The following PALM2AKAP2 variants were observed in gnomAD, a reference collection of about 807,000 sequenced individuals.
PALM2AKAP2 encodes the protein PALM2-AKAP2 fusion protein.
Under a neutral mutation model 71.5 loss-of-function variants are expected in PALM2AKAP2, and 37 were observed. The observed-to-expected ratio is 0.52, with a 90% CI of 0.40 to 0.68. The LOEUF (loss-of-function observed/expected upper bound fraction) is 0.68, where lower values mean the gene tolerates loss of function less well. PALM2AKAP2 is among the 30% of genes least tolerant of loss of function. PALM2AKAP2 has a pLI of 0.00. For missense variants in PALM2AKAP2, 1,224 were observed against 1,191.8 expected (o/e 1.03, Z -0.40); for synonymous variants, 468 against 478.8 (o/e 0.98, Z 0.29).
chr9:109,685,640 A>T (rs192677395), intron 1 of PALM2AKAP2, among the ~76,000 whole-genome samples: 2 of 152,188 alleles, frequency 1.3e-5, no homozygotes, highest in African/African-American at 4.8e-5. Flanking sequence ...TTGCTAAAAA[A>T]TGTGGACAAT....
rs34719180 is a variant in PALM2AKAP2 at position 109,953,834 on chromosome 9, CAAAAAAAAAAA to C, written c.496+21817_496+21827del. On this transcript the variant is annotated intron_variant, in intron 6 of 9. Transcript: ENST00000302798. ...TGGGTGATATAGCAAGACTCCATCT[CAAAAAAAAAAA>C]AAAAAAAAAAGAAAAGAAAGTAGTG... is the stretch of plus-strand genomic sequence containing the variant. Among the ~76,000 whole-genome samples, 5 of 48,636 alleles carry C rather than the reference CAAAAAAAAAAA, an allele frequency of 1.0e-4. 1 individual carries two copies. The highest frequency in any genetic ancestry group is 3.0e-4 in the African/African-American group (4 of 13,424). 31.9% of individuals were successfully genotyped at this position (48,636 alleles called of 152,430 possible). A position where few individuals can be genotyped will look rare whatever the true frequency, so the allele number is the denominator to read the frequency against.
chr9:109,742,011 A>G (rs781102393), intron 1 of PALM2AKAP2, among the ~76,000 whole-genome samples: 11 of 152,322 alleles, frequency 7.2e-5, no homozygotes, highest in Non-Finnish European at 1.2e-4. Flanking sequence ...TTTAATACAC[A>G]TGTGCATGCA....
intron 1 of PALM2AKAP2, among the ~76,000 whole-genome samples, chr9:109,737,017 T>G (rs1182847241): frequency 6.6e-6 from 1 of 152,218 alleles, no homozygotes; most frequent in Non-Finnish European, 1.5e-5. Flanking sequence ...AGAAAGCATT[T>G]GAAAATTGAT....
At chr9:109,795,629 A>G (rs1225788111) in intron 1 of PALM2AKAP2, among the ~76,000 whole-genome samples, 2 of 152,212 alleles carry the variant, frequency 1.3e-5, no homozygotes, top group Non-Finnish European at 2.9e-5. Context: ...TGGAGAAAGG[A>G]CATTAAGACA....
At chr9:109,874,601 A>C (rs1210405983) in intron 2 of PALM2AKAP2, among the ~76,000 whole-genome samples, 2 of 152,228 alleles carry the variant, frequency 1.3e-5, no homozygotes, top group Non-Finnish European at 2.9e-5. Context: ...ATGACTGCCA[A>C]ATTGAGAATC....
chr9:110,080,709 C>T (rs776394605), intron 1 of PALM2AKAP2, among the ~76,000 whole-genome samples: 1 of 152,148 alleles, frequency 6.6e-6, no homozygotes, highest in Non-Finnish European at 1.5e-5. Context: ...GGTGGAGTCT[C>T]ACTCCGTTGC....
Position 110,080,026 on chromosome 9 carries a change from C to T in PALM2AKAP2, c.156+31171C>T, listed in dbSNP as rs142131683. On this transcript the variant is annotated intron_variant, in intron 1 of 3. Coordinates refer to ENST00000374525, the Ensembl canonical transcript of PALM2AKAP2. ...TGGAGGTTGCAGTGAGCTGAGATTG[C>T]GCCATTGCACTTCAGCTTGGGTGAC... Among the ~76,000 whole-genome samples, 144 of 129,076 alleles carry T rather than the reference C, an allele frequency of 1.1e-3. 1 individual carries two copies. Among genetic ancestry groups the T allele is most frequent in the African/African-American group, 3.7e-3 (122 of 32,854 alleles). 84.7% of individuals were successfully genotyped at this position (129,076 alleles called of 152,430 possible).
At chr9:109,764,777 T>C (rs1829122824) in intron 1 of PALM2AKAP2, among the ~76,000 whole-genome samples, 1 of 151,778 alleles carries the variant, frequency 6.6e-6, no homozygotes, top group Non-Finnish European at 1.5e-5. Flanking sequence ...GATAGATGGA[T>C]GCATGGGTAG....
chr9:109,843,929 G>A (rs573004892), intron 1 of PALM2AKAP2, among the ~76,000 whole-genome samples: 2 of 152,266 alleles, frequency 1.3e-5, no homozygotes, highest in African/African-American at 2.4e-5. Context: ...AGAAGGAGAC[G>A]CCAAGATTTA....
intron 6 of PALM2AKAP2, among the ~76,000 whole-genome samples, chr9:109,950,292 CA>C (rs539292920): frequency 1.6e-4 from 22 of 137,668 alleles, no homozygotes; most frequent in Admixed American, 3.6e-4. Flanking sequence ...GACTCTGTCT[CA>C]AAAAAAAAAA....
intron 1 of PALM2AKAP2, among the ~76,000 whole-genome samples, chr9:109,734,255 A>C (rs7860112): frequency 0.31 from 46,451 of 151,678 alleles, 7,256 homozygotes; most frequent in Middle Eastern, 0.4. Context: ...TTTTTTTTTT[A>C]AGCTATCCTG....
chr9:109,888,417 T>C lies in PALM2AKAP2; in HGVS notation c.257+7736T>C, dbSNP rs139861773. On this transcript the variant is annotated intron_variant, in intron 3 of 9. Transcript: ENST00000302798. ...AAGAACAGCAGGTTGTCAGTAAGAATAGTGCTGTTGGCTGGGCACTGTGGC... is the reference window on the plus strand; with the variant it reads ...AAGAACAGCAGGTTGTCAGTAAGAACAGTGCTGTTGGCTGGGCACTGTGGC... Among the ~76,000 whole-genome samples, 51 of 152,262 alleles carry C rather than the reference T, an allele frequency of 3.3e-4. 1 individual carries two copies. In the East Asian group the frequency reaches 8.9e-3, roughly 27 times the overall value.
intron 1 of PALM2AKAP2, among the ~76,000 whole-genome samples, chr9:109,810,977 A>T (rs1587928029): frequency 6.6e-6 from 1 of 152,266 alleles, no homozygotes; most frequent in Non-Finnish European, 1.5e-5. Flanking sequence ...AAGCAAGGTC[A>T]TCAGCTGGCA....
chr9:109,644,656 A>G lies in PALM2AKAP2; in HGVS notation c.5+3790A>G, dbSNP rs140987093. Among the ~76,000 whole-genome samples, 655 of 152,292 alleles carry G rather than the reference A, an allele frequency of 4.3e-3. 3 individuals are homozygous for G. The highest frequency in any genetic ancestry group is 0.015 in the African/African-American group (621 of 41,558). Reference sequence around the variant, plus strand: ...ATGCTCTGCTTCCCTTATAAAACCGAATGCCTTTAACAGCACCCAAGTCAC... The same window carrying G: ...ATGCTCTGCTTCCCTTATAAAACCGGATGCCTTTAACAGCACCCAAGTCAC... On this transcript the variant is annotated intron_variant, in intron 1 of 6. Coordinates refer to the PALM2AKAP2 transcript ENST00000374531.
At chr9:109,867,639 A>G in intron 2 of PALM2AKAP2, 68 bp downstream of exon 2, 1 of 1,527,668 alleles carries the variant, frequency 6.5e-7, no homozygotes, top group Non-Finnish European at 8.7e-7. Flanking sequence ...AGAGCTGGGC[A>G]GTGCCTGCCC....
At chr9:109,934,396 C>A (rs1255552760) in intron 6 of PALM2AKAP2, among the ~76,000 whole-genome samples, 1 of 152,176 alleles carries the variant, frequency 6.6e-6, no homozygotes, top group Non-Finnish European at 1.5e-5. Flanking sequence ...TTCTAATTTC[C>A]CTTCAAGTGT....
chr9:110,147,725 A>T (rs1836212665), intron 2 of PALM2AKAP2, among the ~76,000 whole-genome samples: 1 of 152,186 alleles, frequency 6.6e-6, no homozygotes, highest in Non-Finnish European at 1.5e-5. Context: ...AGCTATGGTC[A>T]TGCCGCTGAA....
chr9:109,867,498 GAA>G lies in PALM2AKAP2; in HGVS notation c.55_56del (p.Lys19GlufsTer4). The G allele has an allele frequency of 6.2e-7, 1 of 1,611,490 alleles. No homozygotes were observed. Among genetic ancestry groups the G allele is most frequent in the South Asian group, 1.1e-5 (1 of 90,974 alleles). ...TGTCTCTTTATTTTCAAGGAAAAAA[GAA>G]AGAGGCAGACTGAAATAGAAGGCAA... On this transcript the variant is annotated frameshift_variant, in exon 2 of 10. Coordinates refer to the PALM2AKAP2 transcript ENST00000302798. LOFTEE classifies it high-confidence loss of function.
chr9:109,711,308 A>T (rs1010191011), intron 1 of PALM2AKAP2, among the ~76,000 whole-genome samples: 74 of 152,168 alleles, frequency 4.9e-4, no homozygotes, highest in African/African-American at 1.7e-3. Flanking sequence ...TAAACAGGAG[A>T]GTTTGTTGAA....
Sources: allele counts gnomAD v4.1 joint callset (sites outside exome capture counted in the v4.1 genomes callset), GRCh38; gene constraint gnomAD v4.1.1; transcripts MANE v1.5; gene names NCBI Gene and HGNC (gene_info 2026-07-23, HGNC 2026-07-21).